ORC6: variants seen among roughly 807,000 people sequenced by gnomAD.
The protein encoded by ORC6 is origin recognition complex subunit 6.
Under a neutral mutation model 30.0 loss-of-function variants are expected in ORC6, and 31 were observed. The ratio of observed to expected loss-of-function variants is 1.03; its 90% CI spans 0.78 to 1.40. ORC6 has a LOEUF of 1.40. Among genes scored for constraint, ORC6 ranks in the 40% most tolerant of loss-of-function variants. The probability of loss-of-function intolerance (pLI) is 0.00; values close to 1 mark genes in which losing one functional copy is unlikely to be tolerated. For missense variants in ORC6, 340 were observed against 304.3 expected (o/e 1.12, Z -0.87); for synonymous variants, 136 against 111.2 (o/e 1.22, Z -1.40).
At chr16:46,697,107 C>T (rs1966525633) in intron 6 of ORC6, among the ~76,000 whole-genome samples, 1 of 152,118 alleles carries the variant, frequency 6.6e-6, no homozygotes, top group Non-Finnish European at 1.5e-5. Context: ...CTATCAAGCA[C>T]CAGTTAAGTG....
At chr16:46,696,484 C>T (rs905284141) in intron 6 of ORC6, among the ~76,000 whole-genome samples, 15 of 152,128 alleles carry the variant, frequency 9.9e-5, no homozygotes, top group African/African-American at 2.2e-4. Context: ...TTTTGTCTTT[C>T]GGAGGTTCTT....
intron 1 of ORC6, 48 bp from the exon 2 acceptor site, chr16:46,690,943 A>G (rs769210987): frequency 3.1e-6 from 5 of 1,609,690 alleles, no homozygotes; most frequent in Non-Finnish European, 4.3e-6. Context: ...CAACGTGTTG[A>G]GCAAACTTCT....
At chr16:46,690,822 G>A in intron 1 of ORC6, 169 bp from the exon 2 acceptor site, 2 of 711,528 alleles carry the variant, frequency 2.8e-6, no homozygotes, top group South Asian at 3.0e-5. Context: ...AGTCAGTGCT[G>A]GTTCTGTCTT....
At chr16:46,691,958 A>ACACTCTCTCTCTCTCTCT in intron 2 of ORC6, among the ~76,000 whole-genome samples, 78 of 36,666 alleles carry the variant, frequency 2.1e-3, no homozygotes, top group South Asian at 9.3e-3. Context: ...ACACACACAC[A>ACACTCTCTCTCTCTCTCT]CTCTCTCTCT....
At position 46,691,043 on chromosome 16, in the gene ORC6, G is replaced by T; in HGVS notation, c.118G>T (p.Ala40Ser). 6.2e-7 allele frequency: 1 copy of T among 1,614,154 alleles called. No individual in the cohort carries two copies. The highest frequency in any genetic ancestry group is 8.5e-7 in the Non-Finnish European group (1 of 1,179,964). The change falls in exon 2 of 7, where the codon GCA (alanine) becomes TCA (serine). Residue 40 changes from alanine to serine, a missense_variant. Ala to Ser is a moderately conservative substitution (Grantham distance 99, BLOSUM62 1). Coordinates refer to ENST00000219097, the MANE Select transcript of ORC6 (RefSeq NM_014321.4). Reference protein sequence around the residue: ...LSRVKCVGLSARTTETSSAVM... With the variant: ...LSRVKCVGLSSRTTETSSAVM... ...CCGGGTGAAGTGTGTCGGCCTCTCC[G>T]CACGCACCACGGAGACCAGCAGTGC...
intron 3 of ORC6, 69 bp from the exon 4 acceptor site, chr16:46,693,024 G>C: frequency 9.4e-7 from 1 of 1,059,096 alleles, no homozygotes; most frequent in Admixed American, 1.7e-5. Context: ...GTAAGTTCTG[G>C]TTGATACTTT....
chr16:46,697,622 A>C lies in ORC6; in HGVS notation c.*37A>C, dbSNP rs766677604. On this transcript the variant is annotated 3_prime_UTR_variant, in exon 7 of 7. Coordinates refer to ENST00000219097, the MANE Select transcript of ORC6 (RefSeq NM_014321.4). Reference sequence around the variant, plus strand: ...AAACTGGTATACATTCCAAACTGATAGTACATTGCCATCTCCAGGAAGACT... The same window carrying C: ...AAACTGGTATACATTCCAAACTGATCGTACATTGCCATCTCCAGGAAGACT... 7 of 1,603,610 alleles carry C rather than the reference A, an allele frequency of 4.4e-6. No individual in the cohort carries two copies. The highest frequency in any genetic ancestry group is 6.0e-6 in the Non-Finnish European group (7 of 1,170,546).
chr16:46,695,699 G>A (rs1966511059), intron 5 of ORC6, 25 bp downstream of exon 5: 4 of 1,403,624 alleles, frequency 2.8e-6, no homozygotes, highest in African/African-American at 2.8e-5. Context: ...GTTCAAGAAT[G>A]CGTCATTTGA....
At chr16:46,693,478 C>T in intron 4 of ORC6, 1 of 460,232 alleles carries the variant, frequency 2.2e-6, no homozygotes. Flanking sequence ...ACAGTCTTCA[C>T]ATGTGATTTT....
chr16:46,691,958 A>ACACACACTCTCTCT lies in ORC6; in HGVS notation c.196-423_196-422insACACACTCTCTCTC. Among the ~76,000 whole-genome samples, 301 of 36,666 alleles carry ACACACACTCTCTCT rather than the reference A, an allele frequency of 8.2e-3. 4 individuals carry two copies. The highest frequency in any genetic ancestry group is 0.012 in the South Asian group (8 of 646). The allele number at this position is 36,666 out of a possible 152,430, so 24.1% of individuals were successfully genotyped here. On this transcript the variant is annotated intron_variant, in intron 2 of 6. Transcript: ENST00000219097. Reference sequence around the variant, plus strand: ...CACACACACACACACACACACACACACTCTCTCTCTCTCTCTCTCTCTCAC... The same window carrying ACACACACTCTCTCT: ...CACACACACACACACACACACACACACACACACTCTCTCTCTCTCTCTCTCTCTCTCTCTCTCAC...
At chr16:46,694,940 T>A (rs1966502865) in intron 4 of ORC6, 1 of 153,700 alleles carries the variant, frequency 6.5e-6, no homozygotes, top group Non-Finnish European at 1.4e-5. Flanking sequence ...CTCTATTAGG[T>A]ACATACCTAG....
rs146875138 is a variant in ORC6, at chr16:46,697,483, A to G, written c.657A>G (p.Pro219=). The change falls in exon 7 of 7, where the codon CCA becomes CCG. Residue 219 remains proline (P), a synonymous_variant. Coordinates refer to ENST00000219097, the MANE Select transcript of ORC6 (RefSeq NM_014321.4). ...AKEMEKVEEM[P]HKPQKDEDLT... ...AAATGGAGAAGGTAGAGGAGATGCC[A>G]CATAAACCACAGAAAGATGAAGATC... The G allele has an allele frequency of 9.9e-6, 16 of 1,613,550 alleles. No individual in the cohort carries two copies. Among genetic ancestry groups the G allele is most frequent in the Non-Finnish European group, 1.4e-5 (16 of 1,179,454 alleles).
chr16:46,696,424 G>C (rs564261986), intron 6 of ORC6, among the ~76,000 whole-genome samples: 1 of 152,138 alleles, frequency 6.6e-6, no homozygotes, highest in African/African-American at 2.4e-5. Context: ...GAAGTCCCTA[G>C]TTGTATAACA....
intron 2 of ORC6, 149 bp downstream of exon 2, chr16:46,691,269 T>G: frequency 2.4e-6 from 2 of 821,998 alleles, no homozygotes; most frequent in Non-Finnish European, 4.0e-6. Flanking sequence ...GTAGAATCAT[T>G]TTGCATTGGA....
intron 3 of ORC6, 117 bp from the exon 4 acceptor site, chr16:46,692,976 G>A (rs902209524): frequency 2.0e-5 from 15 of 751,994 alleles, no homozygotes; most frequent in Middle Eastern, 2.3e-4. Flanking sequence ...AAAATGACTC[G>A]TGTTAAGTGA....
chr16:46,691,554 A>G (rs1966437409), intron 2 of ORC6, among the ~76,000 whole-genome samples: 1 of 152,158 alleles, frequency 6.6e-6, no homozygotes, highest in Admixed American at 6.5e-5. Flanking sequence ...AAAATATCCA[A>G]TTTCGCTGGA....
At chr16:46,692,245 G>A (rs1484351411) in intron 2 of ORC6, 137 bp from the exon 3 acceptor site, 3 of 688,124 alleles carry the variant, frequency 4.4e-6, no homozygotes, top group East Asian at 2.8e-5. Flanking sequence ...ACTAAATGAA[G>A]CTAAACCTTT....
chr16:46,693,031 C>T (rs1422070155), intron 3 of ORC6, 62 bp from the exon 4 acceptor site: 2 of 1,117,572 alleles, frequency 1.8e-6, no homozygotes, highest in Admixed American at 1.7e-5. Flanking sequence ...CTGGTTGATA[C>T]TTTCAGTCTC....
intron 4 of ORC6, chr16:46,693,425 G>T: frequency 5.4e-6 from 3 of 560,294 alleles, no homozygotes; most frequent in Non-Finnish European, 9.6e-6. Context: ...TGGGAATTCT[G>T]ATTTCAGTCT....
Sources: gnomAD v4.1 joint callset for allele counts (sites outside exome capture counted in the v4.1 genomes callset) on GRCh38, gnomAD v4.1.1 for gene constraint, MANE v1.5 for transcripts, NCBI Gene and HGNC (gene_info 2026-07-23, HGNC 2026-07-21) for gene names.